WDPCP: variants seen among roughly 807,000 people sequenced by gnomAD.
The protein encoded by WDPCP is WD repeat-containing and planar cell polarity effector protein fritz homolog.
In WDPCP, 71 loss-of-function variants were observed where a neutral mutation model predicts 93.1. The observed-to-expected ratio is 0.76, with a 90% CI of 0.63 to 0.93. The LOEUF is 0.93. Among genes scored for constraint, WDPCP ranks in the 40% least tolerant of loss-of-function variants. The probability of loss-of-function intolerance (pLI) is 0.00; values close to 1 mark genes in which losing one functional copy is unlikely to be tolerated. For missense variants in WDPCP, 844 were observed against 887.4 expected (o/e 0.95, Z 0.62); for synonymous variants, 315 against 315.0 (o/e 1.00, Z 0.00).
intron 6 of WDPCP, among the ~76,000 whole-genome samples, chr2:63,483,295 G>A (rs1158020906): frequency 6.6e-6 from 1 of 151,820 alleles, no homozygotes; most frequent in Non-Finnish European, 1.5e-5. Flanking sequence ...AAACTTTCTG[G>A]AGCGTATTTT....
chr2:63,462,817 G>A (rs1699107471), intron 6 of WDPCP, among the ~76,000 whole-genome samples: 1 of 152,170 alleles, frequency 6.6e-6, no homozygotes, highest in Non-Finnish European at 1.5e-5. Context: ...TCTATAAATG[G>A]ATGGAAGTCA....
intron 17 of WDPCP, among the ~76,000 whole-genome samples, chr2:63,139,457 C>G (rs1670901383): frequency 6.6e-6 from 1 of 152,118 alleles, no homozygotes; most frequent in Non-Finnish European, 1.5e-5. Flanking sequence ...AGAAGTGTTC[C>G]CTGTTCACCA....
chr2:63,244,611 T>C (rs1178036218), intron 14 of WDPCP, among the ~76,000 whole-genome samples: 1 of 152,028 alleles, frequency 6.6e-6, no homozygotes, highest in Non-Finnish European at 1.5e-5. Flanking sequence ...AACTGGAAAA[T>C]CTAGAGGAAA....
chr2:63,782,806 T>C (rs183220032), intron 2 of WDPCP, among the ~76,000 whole-genome samples: 90 of 149,484 alleles, frequency 6.0e-4, no homozygotes, highest in African/African-American at 2.0e-3. Context: ...GTGTAATATA[T>C]AAAAGGACAA....
At chr2:63,346,742 G>A (rs1689221892) in intron 12 of WDPCP, among the ~76,000 whole-genome samples, 1 of 152,130 alleles carries the variant, frequency 6.6e-6, no homozygotes, top group South Asian at 2.1e-4. Flanking sequence ...ACACAAACCT[G>A]CAAATTCAAG....
intron 1 of WDPCP, among the ~76,000 whole-genome samples, chr2:63,499,190 TA>T (rs1045759658): frequency 2.6e-5 from 4 of 152,088 alleles, no homozygotes; most frequent in Admixed American, 1.3e-4. Flanking sequence ...CACAATGGGC[TA>T]GGGGGGTTCA....
intron 7 of WDPCP, among the ~76,000 whole-genome samples, chr2:63,439,512 T>G (rs1210362527): frequency 1.3e-5 from 2 of 152,156 alleles, no homozygotes; most frequent in African/African-American, 4.8e-5. Context: ...AAATGTTCAC[T>G]TCTTTTAAGG....
chr2:63,550,161 G>T (rs891838841), intron 1 of WDPCP, among the ~76,000 whole-genome samples: 2 of 149,304 alleles, frequency 1.3e-5, no homozygotes, highest in Non-Finnish European at 3.0e-5. Flanking sequence ...ATTCCCAACA[G>T]CATTAACTAT....
intron 10 of WDPCP, among the ~76,000 whole-genome samples, chr2:63,397,025 T>G (rs1693785589): frequency 6.6e-6 from 1 of 152,156 alleles, no homozygotes; most frequent in Admixed American, 6.6e-5. Context: ...TGACCAAATC[T>G]GTACTGTTAG....
Position 63,119,723 on chromosome 2 carries a change from A to T in WDPCP, c.*2283T>A, listed in dbSNP as rs1669453556. ...TGTGAACCTGTCAGTGCTAGGACAGATACTACCTAGCTGTTCCTGCCTATA... is the reference window on the plus strand; with the variant it reads ...TGTGAACCTGTCAGTGCTAGGACAGTTACTACCTAGCTGTTCCTGCCTATA... On this transcript the variant is annotated 3_prime_UTR_variant, in exon 18 of 18. Transcript: ENST00000272321. Among the ~76,000 whole-genome samples the T allele has an allele frequency of 6.6e-6, 1 of 152,202 alleles. No homozygotes were observed. The highest frequency in any genetic ancestry group is 2.1e-4 in the South Asian group (1 of 4,832).
intron 17 of WDPCP, 36 bp downstream of exon 17, chr2:63,152,878 T>G: frequency 6.3e-7 from 1 of 1,592,696 alleles, no homozygotes; most frequent in Non-Finnish European, 8.6e-7. Context: ...CTCTTAGAAT[T>G]TAAATGTCTA....
At chr2:63,509,856 A>G (rs541738555) in intron 1 of WDPCP, among the ~76,000 whole-genome samples, 22 of 152,334 alleles carry the variant, frequency 1.4e-4, no homozygotes, top group Non-Finnish European at 3.2e-4. Context: ...TCCTAGACAC[A>G]TATACCCTCC....
intron 3 of WDPCP, among the ~76,000 whole-genome samples, chr2:63,648,691 C>A (rs1217456349): frequency 6.6e-6 from 1 of 152,098 alleles, no homozygotes; most frequent in African/African-American, 2.4e-5. Context: ...CATTTTGTTG[C>A]ACGAATAAGT....
intron 2 of WDPCP, among the ~76,000 whole-genome samples, chr2:63,800,705 G>T (rs1670682554): frequency 6.6e-6 from 1 of 152,136 alleles, no homozygotes; most frequent in Admixed American, 6.5e-5. Context: ...GTGCTTCTTG[G>T]AAAACAGTGC....
intron 1 of WDPCP, chr2:63,564,498 A>G (rs1050033845): frequency 1.4e-4 from 21 of 152,100 alleles, no homozygotes; most frequent in African/African-American, 3.9e-4. Context: ...TGTTAATTCA[A>G]TGTCTGTGGG....
intron 2 of WDPCP, among the ~76,000 whole-genome samples, chr2:63,489,350 T>C (rs962476000): frequency 6.6e-6 from 1 of 152,064 alleles, no homozygotes; most frequent in Non-Finnish European, 1.5e-5. Flanking sequence ...GGTTTCAATA[T>C]AGAGAGATAG....
chr2:63,663,752 T>C lies in WDPCP; in HGVS notation n.309-12914A>G, dbSNP rs569913308. ...TGGAGGTTATAGATTAATTGGATGT[T>C]GTAATGTTGCACTTTCATATTTAGA... On this transcript the variant is annotated intron_variant and non_coding_transcript_variant, in intron 2 of 4. Transcript: ENST00000467687. Among the ~76,000 whole-genome samples, 10 of 152,314 alleles carry C rather than the reference T, an allele frequency of 6.6e-5. No individual in the cohort carries two copies. The South Asian group carries it at 1.0e-3, about 16-fold the overall frequency.
intron 3 of WDPCP, among the ~76,000 whole-genome samples, chr2:63,623,318 A>G (rs1481563347): frequency 2.0e-5 from 3 of 152,244 alleles, no homozygotes; most frequent in African/African-American, 4.8e-5. Context: ...GACAGGATCA[A>G]ATTCACACAA....
chr2:63,449,878 C>T (rs1698116743), intron 6 of WDPCP, among the ~76,000 whole-genome samples: 2 of 152,162 alleles, frequency 1.3e-5, no homozygotes, highest in South Asian at 4.2e-4. Context: ...TAACAGCTTC[C>T]ACTGACATCC....
Sources: allele counts gnomAD v4.1 joint callset (sites outside exome capture counted in the v4.1 genomes callset), GRCh38; gene constraint gnomAD v4.1.1; transcripts MANE v1.5; gene names NCBI Gene and HGNC (gene_info 2026-07-23, HGNC 2026-07-21).